Variants in DDX31 observed in about 807,000 individuals in gnomAD.
DDX31 encodes the protein DEAD-box helicase 31.
Under a neutral mutation model 91.3 loss-of-function variants are expected in DDX31, and 70 were observed. The observed-to-expected ratio is 0.77, with a 90% CI of 0.63 to 0.94. The LOEUF (loss-of-function observed/expected upper bound fraction) is 0.94, where lower values mean the gene tolerates loss of function less well. Ranked by LOEUF, DDX31 falls within the 40% of genes least tolerant of loss-of-function variation. The probability of loss-of-function intolerance (pLI) is 0.00; values close to 1 mark genes in which losing one functional copy is unlikely to be tolerated. For synonymous variants in DDX31, 362 were observed against 350.6 expected, an observed-to-expected ratio of 1.03 and a Z score of -0.36; for missense variants, 902 against 925.0, an observed-to-expected ratio of 0.98 and a Z score of 0.32.
At chr9:132,611,666 GC>G (rs1343782320) in intron 19 of DDX31, among the ~76,000 whole-genome samples, 3 of 152,086 alleles carry the variant, frequency 2.0e-5, no homozygotes, top group African/African-American at 7.2e-5. Flanking sequence ...GCAGCAAGGA[GC>G]CCAGCACTGA....
intron 19 of DDX31, among the ~76,000 whole-genome samples, chr9:132,604,550 T>A (rs762921596): frequency 1.3e-5 from 2 of 152,196 alleles, no homozygotes; most frequent in African/African-American, 4.8e-5. Context: ...GAGCATCTCA[T>A]CATCTGCTCT....
chr9:132,661,961 G>C (rs1446836468), intron 3 of DDX31, among the ~76,000 whole-genome samples: 1 of 152,064 alleles, frequency 6.6e-6, no homozygotes, highest in African/African-American at 2.4e-5. Context: ...TTTAGCAAGT[G>C]ATGTCCTGAC....
intron 1 of DDX31, among the ~76,000 whole-genome samples, chr9:132,664,012 A>G (rs1835149806): frequency 1.3e-5 from 2 of 152,146 alleles, no homozygotes; most frequent in African/African-American, 4.8e-5. Context: ...CCCGCCATAC[A>G]TGGACTTCCT....
chr9:132,594,284 C>T lies in DDX31; in HGVS notation c.*582G>A, dbSNP rs1040773744. 1.3e-5 allele frequency: 2 copies of T among 152,500 alleles called. No homozygotes were observed. The highest frequency in any genetic ancestry group is 1.9e-4 in the East Asian group (1 of 5,188). 9.4% of individuals were successfully genotyped at this position (152,500 alleles called of 1,614,324 possible). ...TTCCAGAAGAAAATAAGAGGGACCA[C>T]GAGCCTGAGAACACATTCGTATTTT... On this transcript the variant is annotated 3_prime_UTR_variant, in exon 20 of 20. Coordinates refer to ENST00000372159, the MANE Select transcript of DDX31 (RefSeq NM_022779.9).
chr9:132,638,301 C>T (rs1019778322), intron 14 of DDX31: 18 of 1,612,874 alleles, frequency 1.1e-5, no homozygotes, highest in Middle Eastern at 1.6e-4. Flanking sequence ...CTTATCAACT[C>T]GTCAACATAA....
intron 18 of DDX31, among the ~76,000 whole-genome samples, chr9:132,613,460 A>G (rs528561159): frequency 3.0e-4 from 45 of 152,216 alleles, no homozygotes; most frequent in African/African-American, 1.0e-3. Context: ...TTGGGAGGCC[A>G]AGTCGGGGGG....
intron 18 of DDX31, among the ~76,000 whole-genome samples, chr9:132,616,541 T>C (rs932437241): frequency 6.6e-6 from 1 of 152,218 alleles, no homozygotes; most frequent in African/African-American, 2.4e-5. Flanking sequence ...GATTTATTTC[T>C]TTCCACTGCA....
chr9:132,594,428 A>G lies in DDX31; in HGVS notation c.*438T>C, dbSNP rs1001921186. The G allele has an allele frequency of 6.3e-6, 1 of 158,146 alleles. No homozygotes were observed. The highest frequency in any genetic ancestry group is 1.4e-5 in the Non-Finnish European group (1 of 71,736). 9.8% of individuals were successfully genotyped at this position (158,146 alleles called of 1,614,324 possible). On this transcript the variant is annotated 3_prime_UTR_variant, in exon 20 of 20. Transcript: ENST00000372159. ...TTCAATTCCAGTTTTTAACACCCTA[A>G]TTCACAAAATTCATGCCAATGTATG...
chr9:132,609,890 G>A (rs1292168884), intron 19 of DDX31, among the ~76,000 whole-genome samples: 2 of 152,136 alleles, frequency 1.3e-5, no homozygotes, highest in East Asian at 3.8e-4. Context: ...AAAGTGCTAG[G>A]ATTATAAGAG....
At chr9:132,596,947 G>A (rs1010997801) in intron 19 of DDX31, among the ~76,000 whole-genome samples, 1 of 151,676 alleles carries the variant, frequency 6.6e-6, no homozygotes, top group Admixed American at 6.6e-5. Context: ...CAGAATGAGT[G>A]ACTCAGGCTC....
In DDX31 at chr9:132,648,251, T is replaced by C; in HGVS notation, c.905A>G (p.Asn302Ser). 1 of 1,614,002 alleles carries C rather than the reference T, an allele frequency of 6.2e-7. No homozygotes were observed. The highest frequency in any genetic ancestry group is 8.5e-7 in the Non-Finnish European group (1 of 1,179,978). Residue 302 changes from asparagine (N) to serine (S), a missense_variant, in exon 11 of 20, where the codon AAT becomes AGT. Physicochemically the swap from Asn to Ser is conservative, Grantham distance 46. Transcript: ENST00000372159. ...GFEKDITVIL[N>S]AVNAECQKRQ... ...TTTTTGGCATTCAGCATTTACAGCA[T>C]TAAGTATCACTGTGATGTCCTTTTC...
At chr9:132,632,837 T>C (rs1832878252) in intron 14 of DDX31, among the ~76,000 whole-genome samples, 1 of 152,248 alleles carries the variant, frequency 6.6e-6, no homozygotes, top group Non-Finnish European at 1.5e-5. Flanking sequence ...TTTTTAATTT[T>C]ATGTATCTTT....
At chr9:132,656,437 C>G (rs1413477219) in intron 6 of DDX31, among the ~76,000 whole-genome samples, 2 of 152,096 alleles carry the variant, frequency 1.3e-5, no homozygotes, top group African/African-American at 4.8e-5. Flanking sequence ...TCCAACTAGC[C>G]ACATGACCAC....
At chr9:132,642,206 CG>C (rs1255839285) in intron 13 of DDX31, 143 bp from the exon 14 acceptor site, 2 of 734,764 alleles carry the variant, frequency 2.7e-6, no homozygotes, top group Non-Finnish European at 4.6e-6. Flanking sequence ...GAGGAAGAAG[CG>C]GATTCTTTAC....
chr9:132,664,011 C>G (rs1178395249), intron 1 of DDX31, among the ~76,000 whole-genome samples: 1 of 152,202 alleles, frequency 6.6e-6, no homozygotes, highest in African/African-American at 2.4e-5. Flanking sequence ...TCCCGCCATA[C>G]ATGGACTTCC....
At chr9:132,645,132 C>T (rs1833741441) in intron 13 of DDX31, among the ~76,000 whole-genome samples, 2 of 152,132 alleles carry the variant, frequency 1.3e-5, no homozygotes, top group South Asian at 2.1e-4. Context: ...GCCTGGTAAC[C>T]TCTCCTCTAG....
intron 18 of DDX31, among the ~76,000 whole-genome samples, chr9:132,612,990 G>A (rs1041832913): frequency 6.6e-6 from 1 of 152,178 alleles, no homozygotes; most frequent in Admixed American, 6.5e-5. Context: ...ATACCTCACT[G>A]TAGCCTCAAG....
At chr9:132,610,233 C>T (rs573045746) in intron 19 of DDX31, among the ~76,000 whole-genome samples, 15 of 152,246 alleles carry the variant, frequency 9.9e-5, no homozygotes, top group East Asian at 3.9e-4. Flanking sequence ...CAGCCTGGCT[C>T]GAGCAGAGGA....
At chr9:132,631,760 G>A (rs1832736040) in intron 15 of DDX31, among the ~76,000 whole-genome samples, 3 of 152,134 alleles carry the variant, frequency 2.0e-5, no homozygotes, top group Admixed American at 2.0e-4. Flanking sequence ...ATTATTTTCA[G>A]GTTGTTGAAA....
Sources: allele counts gnomAD v4.1 joint callset (sites outside exome capture counted in the v4.1 genomes callset), GRCh38; gene constraint gnomAD v4.1.1; transcripts MANE v1.5; gene names NCBI Gene and HGNC (gene_info 2026-07-23, HGNC 2026-07-21).